EDIL3: variants seen among roughly 807,000 people sequenced by gnomAD.
EDIL3 encodes the protein EGF-like repeat and discoidin I-like domain-containing protein 3.
EDIL3 carries 37 observed loss-of-function variants against 67.4 expected under a neutral mutation model. The observed-to-expected ratio is 0.55, with a 90% CI of 0.42 to 0.72. EDIL3 has a LOEUF of 0.72. Among genes scored for constraint, EDIL3 ranks in the 30% least tolerant of loss-of-function variants. The pLI is 0.00. For missense variants in EDIL3, 527 were observed against 586.3 expected (o/e 0.90, Z 1.04); for synonymous variants, 195 against 196.3 (o/e 0.99, Z 0.05).
intron 1 of EDIL3, among the ~76,000 whole-genome samples, chr5:84,340,038 A>G (rs2112175856): frequency 6.6e-6 from 1 of 152,178 alleles, no homozygotes; most frequent in South Asian, 2.1e-4. Flanking sequence ...AAAATATTAA[A>G]TTTTATAACA....
intron 1 of EDIL3, among the ~76,000 whole-genome samples, chr5:84,334,774 A>G (rs1185911938): frequency 3.3e-5 from 5 of 152,076 alleles, no homozygotes; most frequent in Non-Finnish European, 7.4e-5. Context: ...CTAAAGTCAT[A>G]TCTTCTTTTA....
chr5:84,374,540 A>C (rs530994859), intron 1 of EDIL3, among the ~76,000 whole-genome samples: 2 of 152,346 alleles, frequency 1.3e-5, no homozygotes, highest in East Asian at 3.9e-4. Context: ...GTAAATTTCA[A>C]CAGTTAAACA....
intron 9 of EDIL3, among the ~76,000 whole-genome samples, chr5:84,004,247 CTGA>C (rs1312926115): frequency 2.0e-5 from 3 of 152,070 alleles, no homozygotes; most frequent in African/African-American, 7.2e-5. Flanking sequence ...CAACAACCCA[CTGA>C]TGATATTAGA....
At chr5:84,055,040 G>A (rs1446350081) in intron 9 of EDIL3, among the ~76,000 whole-genome samples, 1 of 146,044 alleles carries the variant, frequency 6.8e-6, no homozygotes, top group Non-Finnish European at 1.5e-5. Context: ...GAGACATCAC[G>A]CTACCTGACT....
At chr5:84,208,458 T>G (rs1744034566) in intron 3 of EDIL3, among the ~76,000 whole-genome samples, 1 of 151,000 alleles carries the variant, frequency 6.6e-6, no homozygotes, top group African/African-American at 2.4e-5. Context: ...GGCGGGTGGA[T>G]CATGAGGTCA....
intron 9 of EDIL3, among the ~76,000 whole-genome samples, chr5:84,015,394 T>G (rs1745584660): frequency 6.6e-6 from 1 of 152,212 alleles, no homozygotes; most frequent in Admixed American, 6.5e-5. Context: ...AGGCCCAGAC[T>G]CATAATTTCA....
chr5:84,211,974 C>T (rs776889927), intron 3 of EDIL3, among the ~76,000 whole-genome samples: 54 of 152,236 alleles, frequency 3.5e-4, no homozygotes, highest in Admixed American at 5.2e-4. Flanking sequence ...AACATAGTTT[C>T]CATATTTTGT....
At chr5:84,226,117 T>C (rs1481841194) in intron 3 of EDIL3, among the ~76,000 whole-genome samples, 1 of 151,670 alleles carries the variant, frequency 6.6e-6, no homozygotes, top group Non-Finnish European at 1.5e-5. Flanking sequence ...AGATATTATA[T>C]GGGGATATGT....
At chr5:84,265,823 A>G (rs1046280706) in intron 1 of EDIL3, among the ~76,000 whole-genome samples, 1 of 152,200 alleles carries the variant, frequency 6.6e-6, no homozygotes, top group Non-Finnish European at 1.5e-5. Context: ...TCCTTAATGT[A>G]TGGGAGTTCT....
chr5:84,210,884 A>G (rs1156591486), intron 3 of EDIL3, among the ~76,000 whole-genome samples: 4 of 152,374 alleles, frequency 2.6e-5, no homozygotes, highest in East Asian at 3.9e-4. Flanking sequence ...ATATTTCATT[A>G]CACAATATGT....
chr5:83,956,888 AAAAT>A (rs1232245708), intron 10 of EDIL3, among the ~76,000 whole-genome samples: 2 of 151,872 alleles, frequency 1.3e-5, no homozygotes, highest in Middle Eastern at 3.4e-3. Flanking sequence ...TATGCAAATT[AAAAT>A]AAATAAATAA....
rs548422842 is a variant in EDIL3, at chr5:84,319,059, T to A, written c.68-64847A>T. Among the ~76,000 whole-genome samples, 22 of 152,246 alleles carry A rather than the reference T, an allele frequency of 1.4e-4. No individual in the cohort carries two copies. In the South Asian group the frequency reaches 4.1e-3, roughly 29 times the overall value. ...CAACAGACATATGAAGAAATGCTCA[T>A]CATCACTGGTCATTAGAGAAATGCA... On this transcript the variant is annotated intron_variant, in intron 1 of 10. Transcript: ENST00000296591.
chr5:84,318,444 G>T (rs900350415), intron 1 of EDIL3, among the ~76,000 whole-genome samples: 2 of 152,170 alleles, frequency 1.3e-5, no homozygotes, highest in Middle Eastern at 3.4e-3. Flanking sequence ...GCAAGGTACT[G>T]GTACCAAAAC....
Position 84,219,643 on chromosome 5 carries a change from C to T in EDIL3, c.226+10212G>A, listed in dbSNP as rs570433200. On this transcript the variant is annotated intron_variant, in intron 3 of 10. Coordinates refer to ENST00000296591, the MANE Select transcript of EDIL3 (RefSeq NM_005711.5). ...CCCAAAGGAAAGGAAATCAGTATAT[C>T]GAAGAGACAGCTGCACTCCCATGTT... 3.9e-5 allele frequency among the ~76,000 whole-genome samples: 6 copies of T among 152,186 alleles called. No individual in the cohort carries two copies. The South Asian group carries it at 1.0e-3, about 26-fold the overall frequency.
chr5:84,095,684 G>A (rs1747249077), intron 6 of EDIL3, among the ~76,000 whole-genome samples: 1 of 152,154 alleles, frequency 6.6e-6, no homozygotes, highest in Non-Finnish European at 1.5e-5. Context: ...GGGAAGCAAA[G>A]CATAAAAGTT....
In EDIL3 at chr5:84,127,406, G is replaced by A. The variant is rs372096603; in HGVS notation, c.469+9835C>T. Among the ~76,000 whole-genome samples, 8 of 152,052 alleles carry A rather than the reference G, an allele frequency of 5.3e-5. No individual in the cohort carries two copies. In the East Asian group the frequency reaches 1.5e-3, roughly 29 times the overall value. ...ATAAAGCTATTAAGGTAACTATTAT[G>A]AAATTTCTTTTTAGGACTTTAGTCA... On this transcript the variant is annotated intron_variant, in intron 5 of 10. Transcript: ENST00000296591.
At chr5:84,307,174 G>A (rs976352942) in intron 1 of EDIL3, among the ~76,000 whole-genome samples, 6 of 152,192 alleles carry the variant, frequency 3.9e-5, no homozygotes, top group African/African-American at 1.4e-4. Context: ...GTGAGTGATA[G>A]GAGAGAAGTA....
intron 3 of EDIL3, among the ~76,000 whole-genome samples, chr5:84,202,839 AAT>A (rs1743873389): frequency 1.3e-5 from 2 of 152,144 alleles, no homozygotes; most frequent in Admixed American, 1.3e-4. Flanking sequence ...TTTTAAATAT[AAT>A]ATCTCCTATA....
At chr5:84,136,014 A>G (rs73769738) in intron 5 of EDIL3, among the ~76,000 whole-genome samples, 2,705 of 152,278 alleles carry the variant, frequency 0.018, 65 homozygotes, top group African/African-American at 0.062. Context: ...AAAGAAAAAG[A>G]AAATGAGAAA....
Sources: allele counts gnomAD v4.1 joint callset (sites outside exome capture counted in the v4.1 genomes callset), GRCh38; gene constraint gnomAD v4.1.1; transcripts MANE v1.5; gene names NCBI Gene and HGNC (gene_info 2026-07-23, HGNC 2026-07-21).